CTSB: variants seen among roughly 807,000 people sequenced by gnomAD.
The protein encoded by CTSB is APP secretase.
In CTSB, 57 loss-of-function variants were observed where a neutral mutation model predicts 44.3. That is an observed-to-expected ratio of 1.29 (90% CI 1.04 to 1.60). CTSB has a LOEUF of 1.60. Among genes scored for constraint, CTSB ranks in the 40% most tolerant of loss-of-function variants. The probability of loss-of-function intolerance (pLI) is 0.00; values close to 1 mark genes in which losing one functional copy is unlikely to be tolerated. For missense variants in CTSB, 768 were observed against 443.0 expected, an observed-to-expected ratio of 1.73 and a Z score of -6.59; for synonymous variants, 320 against 168.0, an observed-to-expected ratio of 1.91 and a Z score of -7.00.
At chr8:11,865,914 G>C (rs1293308) in intron 1 of CTSB, among the ~76,000 whole-genome samples, 2,954 of 150,256 alleles carry the variant, frequency 0.02, 45 homozygotes, top group Non-Finnish European at 0.032. Flanking sequence ...ACTTGGGAGG[G>C]AGGCTGAGAC....
chr8:11,855,900 C>T (rs903561497), intron 1 of CTSB, among the ~76,000 whole-genome samples: 4 of 152,156 alleles, frequency 2.6e-5, no homozygotes, highest in East Asian at 3.9e-4. Flanking sequence ...TGCCTGTAAT[C>T]GCAGCTACTT....
intron 2 of CTSB, 128 bp from the exon 3 acceptor site, chr8:11,852,823 G>T (rs1814839659): frequency 2.6e-6 from 2 of 774,858 alleles, no homozygotes; most frequent in Non-Finnish European, 4.2e-6. Flanking sequence ...CAAGGGTTGG[G>T]GGGCACTGGG....
At chr8:11,846,560 A>C (rs1481442964) in intron 8 of CTSB, among the ~76,000 whole-genome samples, 1 of 152,180 alleles carries the variant, frequency 6.6e-6, no homozygotes, top group African/African-American at 2.4e-5. Flanking sequence ...CTATGGCACT[A>C]CCCAGGGCAA....
chr8:11,849,762 G>C (rs1453919233), intron 4 of CTSB, among the ~76,000 whole-genome samples: 1 of 151,968 alleles, frequency 6.6e-6, no homozygotes, highest in Non-Finnish European at 1.5e-5. Flanking sequence ...TGTCTTTTTA[G>C]TAGAGACAGG....
chr8:11,845,326 G>A lies in CTSB; in HGVS notation c.923-104C>T, dbSNP rs28460683. On this transcript the variant is annotated intron_variant, in intron 9 of 9. Transcript: ENST00000353047. ...AAGTCACTCATCCCTGGCCACTCCT[G>A]CTGTTGGCCCACTAGCACAGTCCTC... The A allele has an allele frequency of 4.8e-3, 4,210 of 879,858 alleles. 93 individuals are homozygous for A. In the African/African-American group the frequency reaches 0.053, roughly 11 times the overall value. 54.5% of individuals were successfully genotyped at this position (879,858 alleles called of 1,614,324 possible).
chr8:11,849,206 G>A (rs534803224), intron 4 of CTSB, 42 bp from the exon 5 acceptor site: 7 of 1,555,478 alleles, frequency 4.5e-6, no homozygotes, highest in South Asian at 4.5e-5. Flanking sequence ...CCATGTCCGG[G>A]CTGGGCCCTC....
chr8:11,854,491 T>C (rs1815185782), intron 1 of CTSB, among the ~76,000 whole-genome samples: 2 of 127,580 alleles, frequency 1.6e-5, no homozygotes. Flanking sequence ...GGAAAAAAGC[T>C]TTTTTTTTTT....
chr8:11,848,830 C>T, intron 5 of CTSB: 1 of 478,028 alleles, frequency 2.1e-6, no homozygotes, highest in South Asian at 2.3e-5. Flanking sequence ...TGCTGGGATG[C>T]CACCCCTCAG....
intron 4 of CTSB, 196 bp from the exon 5 acceptor site, chr8:11,849,360 G>A (rs1814106601): frequency 2.3e-6 from 1 of 426,142 alleles, no homozygotes; most frequent in Non-Finnish European, 4.5e-6. Flanking sequence ...TGGCCAGACT[G>A]GTCTTGAACT....
In CTSB at chr8:11,843,103, C is replaced by T. The variant is rs1049977602; in HGVS notation, c.*2022G>A. Reference sequence around the variant, plus strand: ...AGCTGGGATTACAGGCATGTGCCACCATGCCCAGCTAATTTTTGTATTTTT... The same window carrying T: ...AGCTGGGATTACAGGCATGTGCCACTATGCCCAGCTAATTTTTGTATTTTT... On this transcript the variant is annotated 3_prime_UTR_variant, in exon 10 of 10. Coordinates refer to ENST00000353047, the MANE Select transcript of CTSB (RefSeq NM_001908.5). The T allele has an allele frequency of 3.3e-5, 5 of 152,284 alleles. No homozygotes were observed. The highest frequency in any genetic ancestry group is 1.2e-4 in the African/African-American group (5 of 41,408). 9.4% of individuals were successfully genotyped at this position (152,284 alleles called of 1,614,324 possible). A position where few individuals can be genotyped will look rare whatever the true frequency, so the allele number is the denominator to read the frequency against.
chr8:11,861,319 G>T (rs1054821218), intron 1 of CTSB: 2 of 152,280 alleles, frequency 1.3e-5, no homozygotes, highest in African/African-American at 2.4e-5. Flanking sequence ...AGGCTTCCAG[G>T]GAACCAGGGG....
chr8:11,846,592 C>G (rs1813392525), intron 8 of CTSB, among the ~76,000 whole-genome samples: 1 of 152,172 alleles, frequency 6.6e-6, no homozygotes, highest in Non-Finnish European at 1.5e-5. Flanking sequence ...TGTGTTCATC[C>G]ACTGGTGTGA....
rs1420922679 is a variant in CTSB, at chr8:11,847,294, G to A, written c.677-126C>T. 14 of 689,528 alleles carry A rather than the reference G, an allele frequency of 2.0e-5. No individual in the cohort carries two copies. The Admixed American group carries it at 2.4e-4, about 12-fold the overall frequency. 42.7% of individuals were successfully genotyped at this position (689,528 alleles called of 1,614,324 possible). A position where few individuals can be genotyped will look rare whatever the true frequency, so the allele number is the denominator to read the frequency against. The stretch of plus-strand genomic sequence containing the variant: ...GACTGCATCTAAGGGGACTTGCCCT[G>A]CCAGGGGAGCTCAAGGAAGGCTCCC... On this transcript the variant is annotated intron_variant, in intron 7 of 9. Transcript: ENST00000353047.
chr8:11,867,399 T>C (rs180857136), intron 1 of CTSB: 48 of 152,540 alleles, frequency 3.1e-4, no homozygotes, highest in Non-Finnish European at 5.4e-4. Context: ...TTCCTGTTTA[T>C]GGATTTAACA....
chr8:11,855,647 T>C (rs1030814008), intron 1 of CTSB, among the ~76,000 whole-genome samples: 1 of 152,212 alleles, frequency 6.6e-6, no homozygotes, highest in African/African-American at 2.4e-5. Flanking sequence ...ACTTTAGGCT[T>C]CGTTTCCACA....
chr8:11,858,807 A>C (rs115135175), intron 1 of CTSB, among the ~76,000 whole-genome samples: 1 of 152,328 alleles, frequency 6.6e-6, no homozygotes, highest in African/African-American at 2.4e-5. Flanking sequence ...TGAAAGTGAC[A>C]AGCTGAGCTG....
At chr8:11,860,118 C>A (rs948752951) in intron 1 of CTSB, among the ~76,000 whole-genome samples, 1 of 152,050 alleles carries the variant, frequency 6.6e-6, no homozygotes. Flanking sequence ...GTCACAGAGC[C>A]CTCAGGTAGA....
intron 4 of CTSB, chr8:11,850,584 C>A (rs1369335160): frequency 3.4e-6 from 1 of 296,262 alleles, no homozygotes; most frequent in Non-Finnish European, 6.4e-6. Context: ...GTGAGAGCTC[C>A]TGGTATTTGC....
At chr8:11,861,964 T>C (rs946865299) in intron 1 of CTSB, among the ~76,000 whole-genome samples, 1 of 151,830 alleles carries the variant, frequency 6.6e-6, no homozygotes, top group Non-Finnish European at 1.5e-5. Context: ...TCCCAGTACT[T>C]TGGGAGGCTG....
Sources: allele counts gnomAD v4.1 joint callset (sites outside exome capture counted in the v4.1 genomes callset), GRCh38; gene constraint gnomAD v4.1.1; transcripts MANE v1.5; gene names NCBI Gene and HGNC (gene_info 2026-07-23, HGNC 2026-07-21).